FHIT: variants seen among roughly 807,000 people sequenced by gnomAD.
FHIT encodes fragile histidine triad diadenosine triphosphatase.
A neutral mutation model predicts 17.9 loss-of-function variants in FHIT; 19 were observed. The ratio of observed to expected loss-of-function variants is 1.06; its 90% confidence interval spans 0.74 to 1.56. The LOEUF (loss-of-function observed/expected upper bound fraction) is 1.56. FHIT is among the 40% of genes most tolerant of loss of function. The pLI, the probability that FHIT is intolerant of heterozygous loss-of-function variation, is 0.00. For missense variants in FHIT, 248 were observed against 189.2 expected (o/e 1.31, Z -1.82); for synonymous variants, 81 against 69.7 (o/e 1.16, Z -0.81).
intron 7 of FHIT, among the ~76,000 whole-genome samples, chr3:59,978,277 CAAG>C (rs1300360531): frequency 1.3e-5 from 2 of 152,064 alleles, no homozygotes; most frequent in African/African-American, 2.4e-5. Flanking sequence ...CAGCAAATTT[CAAG>C]AAGGCCTGTC....
At chr3:60,544,191 A>C (rs905763413) in intron 4 of FHIT, among the ~76,000 whole-genome samples, 1 of 152,076 alleles carries the variant, frequency 6.6e-6, no homozygotes, top group Middle Eastern at 3.4e-3. Flanking sequence ...GAGAAGCAGA[A>C]GTAACACAGG....
intron 2 of FHIT, among the ~76,000 whole-genome samples, chr3:61,199,421 A>C (rs565623502): frequency 1.6e-4 from 24 of 152,336 alleles, no homozygotes; most frequent in African/African-American, 5.8e-4. Context: ...AATAAGAATT[A>C]TCTACTGCTT....
At chr3:60,956,895 T>C (rs910214635) in intron 3 of FHIT, among the ~76,000 whole-genome samples, 1 of 148,188 alleles carries the variant, frequency 6.7e-6, no homozygotes, top group African/African-American at 2.5e-5. Flanking sequence ...AAAAAATGAA[T>C]TGTGAATATT....
At chr3:61,245,492 C>T (rs1434949639) in intron 1 of FHIT, among the ~76,000 whole-genome samples, 1 of 152,176 alleles carries the variant, frequency 6.6e-6, no homozygotes, top group Non-Finnish European at 1.5e-5. Flanking sequence ...CATGGACCAG[C>T]AGCATCAGTC....
At chr3:59,844,050 C>T (rs1384126712) in intron 8 of FHIT, among the ~76,000 whole-genome samples, 1 of 152,118 alleles carries the variant, frequency 6.6e-6, no homozygotes, top group Admixed American at 6.6e-5. Context: ...GGCCATGTGA[C>T]ATGCCTGCTC....
intron 5 of FHIT, among the ~76,000 whole-genome samples, chr3:60,365,249 T>C (rs2107023369): frequency 6.6e-6 from 1 of 151,730 alleles, no homozygotes; most frequent in South Asian, 2.1e-4. Context: ...TATTATTTCT[T>C]TGTAAAAATG....
intron 5 of FHIT, among the ~76,000 whole-genome samples, chr3:60,117,487 T>C (rs188618364): frequency 8.5e-5 from 11 of 129,740 alleles, no homozygotes; most frequent in African/African-American, 2.9e-4. Context: ...GTCTATTACT[T>C]CCTATCTAAA....
At chr3:60,168,687 A>C (rs1701287140) in intron 5 of FHIT, among the ~76,000 whole-genome samples, 1 of 152,228 alleles carries the variant, frequency 6.6e-6, no homozygotes. Flanking sequence ...GACAGGGGAC[A>C]TTATCCTGCG....
At chr3:60,227,078 G>A (rs182385835) in intron 5 of FHIT, among the ~76,000 whole-genome samples, 5 of 152,112 alleles carry the variant, frequency 3.3e-5, no homozygotes, top group Non-Finnish European at 7.4e-5. Flanking sequence ...TTTGTATAAT[G>A]GAACAAAGCC....
intron 3 of FHIT, among the ~76,000 whole-genome samples, chr3:60,910,949 T>G (rs1706710224): frequency 6.6e-6 from 1 of 152,174 alleles, no homozygotes; most frequent in East Asian, 1.9e-4. Flanking sequence ...ATAATCCAAA[T>G]TTGGTTTTAC....
chr3:60,483,282 C>A (rs371885122), intron 5 of FHIT, among the ~76,000 whole-genome samples: 1 of 152,188 alleles, frequency 6.6e-6, no homozygotes, highest in Non-Finnish European at 1.5e-5. Context: ...CCTTCTGAAA[C>A]TATTCCAAAC....
intron 4 of FHIT, among the ~76,000 whole-genome samples, chr3:60,619,400 T>C (rs72889642): frequency 0.014 from 2,059 of 152,112 alleles, 57 homozygotes; most frequent in African/African-American, 0.047. Flanking sequence ...AGCAAAAGAT[T>C]CAGAATATGC....
intron 5 of FHIT, among the ~76,000 whole-genome samples, chr3:60,178,708 C>G (rs1160322733): frequency 2.0e-5 from 3 of 152,080 alleles, no homozygotes; most frequent in African/African-American, 7.2e-5. Flanking sequence ...GTTTTTCGTC[C>G]ATTAGCTCTT....
chr3:61,208,532 C>T (rs2039334676), intron 1 of FHIT, among the ~76,000 whole-genome samples: 2 of 152,082 alleles, frequency 1.3e-5, no homozygotes, highest in Non-Finnish European at 2.9e-5. Flanking sequence ...GGATAGTTAG[C>T]TCTTCTCATT....
intron 5 of FHIT, among the ~76,000 whole-genome samples, chr3:60,068,740 A>C (rs530497332): frequency 4.1e-4 from 62 of 152,370 alleles, no homozygotes; most frequent in Middle Eastern, 6.8e-3. Context: ...ATGCTCAATG[A>C]AACATAATTT....
intron 5 of FHIT, among the ~76,000 whole-genome samples, chr3:60,230,956 C>T (rs192878393): frequency 6.6e-6 from 1 of 152,282 alleles, no homozygotes; most frequent in Non-Finnish European, 1.5e-5. Flanking sequence ...AGTGATCTGC[C>T]CTCCTTGACC....
chr3:60,484,244 G>A (rs2033740990), intron 5 of FHIT, among the ~76,000 whole-genome samples: 1 of 152,094 alleles, frequency 6.6e-6, no homozygotes, highest in Non-Finnish European at 1.5e-5. Flanking sequence ...TGGCCATACT[G>A]CCCAAAGTAA....
chr3:60,917,976 T>G (rs1553767439), intron 3 of FHIT, among the ~76,000 whole-genome samples: 1 of 152,220 alleles, frequency 6.6e-6, no homozygotes, highest in African/African-American at 2.4e-5. Context: ...AAATCTCATC[T>G]TGAATTGTAA....
intron 2 of FHIT, among the ~76,000 whole-genome samples, chr3:61,042,694 G>T (rs2033578044): frequency 6.6e-6 from 1 of 151,944 alleles, no homozygotes; most frequent in African/African-American, 2.4e-5. Flanking sequence ...CAAAAAATTA[G>T]CTAGGTGTGG....
Sources: gnomAD v4.1 joint callset for allele counts (sites outside exome capture counted in the v4.1 genomes callset) on GRCh38, gnomAD v4.1.1 for gene constraint, MANE v1.5 for transcripts, NCBI Gene and HGNC (gene_info 2026-07-23, HGNC 2026-07-21) for gene names.